The following MORN1 variants were observed in gnomAD, a reference collection of about 807,000 sequenced individuals.
MORN1 encodes MORN repeat-containing protein 1.
In MORN1, 67 loss-of-function variants were observed where a neutral mutation model predicts 61.9. The ratio of observed to expected loss-of-function variants is 1.08; its 90% CI spans 0.89 to 1.33. The LOEUF is 1.33. Among genes scored for constraint, MORN1 ranks in the 40% most tolerant of loss-of-function variants. The pLI is 0.00. For synonymous variants in MORN1, 301 were observed against 292.0 expected (o/e 1.03, Z -0.31); for missense variants, 752 against 691.2 (o/e 1.09, Z -0.99).
intron 12 of MORN1, among the ~76,000 whole-genome samples, chr1:2,325,406 C>G (rs553048168): frequency 4.0e-5 from 6 of 151,230 alleles, no homozygotes; most frequent in Admixed American, 1.3e-4. Flanking sequence ...CTCCTGGGCT[C>G]GAGCAAGCAA....
chr1:2,347,061 C>A (rs1236932929), intron 10 of MORN1, among the ~76,000 whole-genome samples: 5 of 152,120 alleles, frequency 3.3e-5, no homozygotes, highest in Admixed American at 1.3e-4. Flanking sequence ...AGATGGGGAA[C>A]TTCTTGGGAG....
At chr1:2,324,073 T>A in intron 13 of MORN1, 24 bp downstream of exon 13, 2 of 1,587,368 alleles carry the variant, frequency 1.3e-6, no homozygotes, top group Non-Finnish European at 1.7e-6. Flanking sequence ...CAGCCGGCGA[T>A]GGACTTGGGC....
rs567503781 is a variant in MORN1, at chr1:2,336,009, C to T, written c.1250+460G>A. On this transcript the variant is annotated intron_variant, in intron 12 of 13. Coordinates refer to ENST00000378531, the MANE Select transcript of MORN1 (RefSeq NM_024848.3). ...CCAGGCCCAGGATGGTGAGATGTGA[C>T]GGCCACAAACCCCCCACGGTGTCCC... Among the ~76,000 whole-genome samples, 69 of 152,168 alleles carry T rather than the reference C, an allele frequency of 4.5e-4. 2 individuals carry two copies. The highest frequency in any genetic ancestry group is 3.7e-3 in the Admixed American group (57 of 15,286).
At chr1:2,388,972 C>T (rs1454893105) in intron 2 of MORN1, among the ~76,000 whole-genome samples, 3 of 151,268 alleles carry the variant, frequency 2.0e-5, no homozygotes, top group Non-Finnish European at 2.9e-5. Flanking sequence ...ATTAGCTGGG[C>T]GTGGTGGCAG....
chr1:2,382,101 A>G (rs2843132), intron 6 of MORN1, among the ~76,000 whole-genome samples: 126,398 of 152,260 alleles, frequency 0.83, 52,866 homozygotes, highest in Middle Eastern at 0.91. Flanking sequence ...GGACAGGGCT[A>G]GGCTGGGAGT....
At position 2,378,854 on chromosome 1, in the gene MORN1, G is replaced by A. The variant is rs954419378; in HGVS notation, c.538-4297C>T. ...GATGGCTGAGGCGTCACAGGCTGGT[G>A]GGGGTGCTCGTGGCCCAGGACCTCT... On this transcript the variant is annotated intron_variant, in intron 6 of 13. Transcript: ENST00000378531. 16 of 445,944 alleles carry A rather than the reference G, an allele frequency of 3.6e-5. No homozygotes were observed. The Admixed American group carries it at 3.9e-4, about 11-fold the overall frequency. The allele number at this position is 445,944 out of a possible 1,614,324, so 27.6% of individuals were successfully genotyped here.
intron 6 of MORN1, 27 bp from the exon 7 acceptor site, chr1:2,374,584 C>G (rs1471690271): frequency 1.1e-5 from 17 of 1,562,222 alleles, no homozygotes; most frequent in Non-Finnish European, 1.4e-5. Context: ...GAGGCTCAGG[C>G]TGGTGGCTCC....
intron 10 of MORN1, among the ~76,000 whole-genome samples, chr1:2,342,978 A>G (rs1641435157): frequency 6.6e-6 from 1 of 151,132 alleles, no homozygotes; most frequent in South Asian, 2.1e-4. Flanking sequence ...AGTTCAAGCA[A>G]TCCTCCCGCC....
Position 2,372,487 on chromosome 1 carries a change from C to T in MORN1, c.739G>A (p.Ala247Thr). 1 of 1,612,462 alleles carries T rather than the reference C, an allele frequency of 6.2e-7. No homozygotes were observed. The highest frequency in any genetic ancestry group is 8.5e-7 in the Non-Finnish European group (1 of 1,179,304). ...TCCCCCTGGAGATGCTTACTCTTGG[C>T]AATTTCCCCGTGGTCCTGCAGCAGC... ...VQLLQDHGEI[A>T]KSESGRVLQI... Residue 247 changes from alanine to threonine, a missense_variant, in exon 8 of 14, where the codon GCC (alanine) becomes ACC (threonine). Physicochemically the swap from Ala to Thr is moderately conservative, Grantham distance 58 (BLOSUM62 0). Transcript: ENST00000378531. This position sits in a 1 kb window ranked among gnomAD's most constrained non-coding sequence, Gnocchi z 5.4.
intron 3 of MORN1, chr1:2,387,757 C>T: frequency 1.8e-6 from 1 of 555,800 alleles, no homozygotes; most frequent in Non-Finnish European, 3.2e-6. Context: ...TCTCTTTGGG[C>T]ATCTATCCCG....
intron 12 of MORN1, among the ~76,000 whole-genome samples, chr1:2,327,325 CACACAGAAACACACAGACAGAAACAA>C (rs1557866495): frequency 6.6e-6 from 1 of 151,692 alleles, no homozygotes; most frequent in Non-Finnish European, 1.5e-5. Context: ...GACACAGAAA[CACACAGAAACACACAGACAGAAACAA>C]ACACAGAAAC....
At chr1:2,322,350 C>T (rs779280436) in intron 13 of MORN1, 49 of 985,322 alleles carry the variant, frequency 5.0e-5, no homozygotes, top group East Asian at 2.3e-4. Flanking sequence ...GGAATGCGGC[C>T]GCAGCTGAAA....
intron 10 of MORN1, chr1:2,355,159 A>C: frequency 8.8e-7 from 1 of 1,142,188 alleles, no homozygotes; most frequent in Admixed American, 4.4e-5. Flanking sequence ...AATCTCTCCA[A>C]GTAGAAGGCA....
intron 10 of MORN1, among the ~76,000 whole-genome samples, chr1:2,345,705 C>T (rs534430952): frequency 2.0e-5 from 3 of 152,210 alleles, no homozygotes; most frequent in Non-Finnish European, 2.9e-5. Context: ...GGCCAGGCTG[C>T]GGTGAGCAGC....
rs138641112 is a variant in MORN1, at chr1:2,357,211, G to A, written c.1036+221C>T. ...AGGCTGCAGCCCCTGCCAGGCTCAC[G>A]GCAGACGAACAATCGGCTTGAGCCT... On this transcript the variant is annotated intron_variant, in intron 10 of 13. Transcript: ENST00000378531. The surrounding 1 kb of genome is among the most constrained non-coding windows in gnomAD (Gnocchi z 6.3). 1.3e-5 allele frequency among the ~76,000 whole-genome samples: 2 copies of A among 152,312 alleles called. No individual in the cohort carries two copies. Among genetic ancestry groups the A allele is most frequent in the Non-Finnish European group, 2.9e-5 (2 of 68,014 alleles).
At chr1:2,388,788 A>G (rs1340484939) in intron 2 of MORN1, among the ~76,000 whole-genome samples, 3 of 150,218 alleles carry the variant, frequency 2.0e-5, no homozygotes, top group Non-Finnish European at 4.4e-5. Context: ...AAAAAAAAAA[A>G]AAAAAAAAAA....
At chr1:2,374,607 G>C in intron 6 of MORN1, 50 bp from the exon 7 acceptor site, 1 of 1,509,324 alleles carries the variant, frequency 6.6e-7, no homozygotes, top group Non-Finnish European at 9.0e-7. Flanking sequence ...AGGGGCTTTT[G>C]TGGGTCCCCG....
At chr1:2,347,633 G>A (rs1379405214) in intron 10 of MORN1, among the ~76,000 whole-genome samples, 3 of 152,114 alleles carry the variant, frequency 2.0e-5, no homozygotes, top group Non-Finnish European at 4.4e-5. Context: ...GGGGGGACGG[G>A]GCCACGCAGG....
intron 6 of MORN1, among the ~76,000 whole-genome samples, chr1:2,381,924 CT>C (rs1570040734): frequency 6.6e-6 from 1 of 152,116 alleles, no homozygotes; most frequent in South Asian, 2.1e-4. Flanking sequence ...GGGCTGCCCC[CT>C]GGTGGATGCG....
Sources: allele counts gnomAD v4.1 joint callset (sites outside exome capture counted in the v4.1 genomes callset), GRCh38; gene constraint gnomAD v4.1.1; non-coding constraint Gnocchi (gnomAD v3.1); transcripts MANE v1.5; gene names NCBI Gene and HGNC (gene_info 2026-07-23, HGNC 2026-07-21).